DENND1A: variants seen among roughly 807,000 people sequenced by gnomAD.
DENND1A encodes the protein DENN domain containing 1A, also known as DENN domain-containing protein 1A.
A neutral mutation model predicts 113.7 loss-of-function variants in DENND1A; 51 were observed. The observed-to-expected ratio is 0.45, with a 90% CI of 0.36 to 0.57. The LOEUF (loss-of-function observed/expected upper bound fraction) is 0.57. Ranked by LOEUF, DENND1A falls within the 20% of genes least tolerant of loss-of-function variation. The probability of loss-of-function intolerance (pLI) is 0.00; values close to 1 mark genes in which losing one functional copy is unlikely to be tolerated. For missense variants in DENND1A, 1,258 were observed against 1,395.9 expected (o/e 0.90, Z 1.57); for synonymous variants, 565 against 570.8 (o/e 0.99, Z 0.14).
intron 2 of DENND1A, among the ~76,000 whole-genome samples, chr9:123,848,196 G>C (rs75271643): frequency 0.043 from 4,852 of 112,784 alleles, 92 homozygotes; most frequent in Middle Eastern, 0.088. Context: ...TATGGGCATA[G>C]TTTGTTTTAT....
chr9:123,442,484 A>G (rs2046999592), intron 18 of DENND1A, among the ~76,000 whole-genome samples: 1 of 152,218 alleles, frequency 6.6e-6, no homozygotes. Context: ...TTTTGGATCC[A>G]GGTGAAGATC....
chr9:123,408,035 T>A (rs901117668), intron 20 of DENND1A, among the ~76,000 whole-genome samples: 2 of 152,112 alleles, frequency 1.3e-5, no homozygotes, highest in African/African-American at 4.8e-5. Flanking sequence ...TCGGGTAACA[T>A]CTGAACTCCA....
intron 10 of DENND1A, 76 bp from the exon 11 acceptor site, chr9:123,609,557 T>C (rs1437609169): frequency 6.5e-7 from 1 of 1,530,364 alleles, no homozygotes; most frequent in East Asian, 2.3e-5. Context: ...TGGTTCACTA[T>C]TTGGAGAAAA....
At chr9:123,524,441 G>C (rs972496226) in intron 13 of DENND1A, among the ~76,000 whole-genome samples, 3 of 152,214 alleles carry the variant, frequency 2.0e-5, no homozygotes, top group Admixed American at 2.0e-4. Flanking sequence ...GGTCCACAAG[G>C]AATAGAACTG....
chr9:123,893,452 G>A (rs958692566), intron 1 of DENND1A, among the ~76,000 whole-genome samples: 1 of 152,216 alleles, frequency 6.6e-6, no homozygotes, highest in African/African-American at 2.4e-5. Context: ...TTTAGCCTCA[G>A]TGAGACCAGA....
chr9:123,711,513 G>GTGTATATATATATA (rs1369120234), intron 5 of DENND1A, among the ~76,000 whole-genome samples: 2 of 121,008 alleles, frequency 1.7e-5, no homozygotes, highest in African/African-American at 3.3e-5. Context: ...ATGTATATAT[G>GTGTATATATATATA]TATATATATA....
At chr9:123,900,491 C>T (rs1851443881) in intron 1 of DENND1A, among the ~76,000 whole-genome samples, 1 of 152,120 alleles carries the variant, frequency 6.6e-6, no homozygotes, top group Admixed American at 6.5e-5. Context: ...GGGATGCTCG[C>T]TTAAGGGTTC....
At chr9:123,850,270 C>A (rs1843144558) in intron 2 of DENND1A, among the ~76,000 whole-genome samples, 2 of 152,184 alleles carry the variant, frequency 1.3e-5, no homozygotes, top group South Asian at 4.1e-4. Flanking sequence ...CCACAGCCAT[C>A]CCAGCCTTCA....
At position 123,381,384 on chromosome 9, in the gene DENND1A, T is replaced by C. The variant is rs1284875295; in HGVS notation, c.*48A>G. On this transcript the variant is annotated 3_prime_UTR_variant, in exon 24 of 24. Coordinates refer to ENST00000394215, the MANE Select transcript of DENND1A (RefSeq NM_001352964.2). This position sits in a 1 kb window ranked among gnomAD's most constrained non-coding sequence, Gnocchi z 4.7. ...CGGGGGAGCCTCGGAACCGCAGCAG[T>C]GGACGGACCCTCGGGCCTCGGTGCA... is the stretch of plus-strand genomic sequence containing the variant. The C allele has an allele frequency of 6.4e-7, 1 of 1,561,680 alleles. No homozygotes were observed. The highest frequency in any genetic ancestry group is 1.4e-5 in the African/African-American group (1 of 73,892).
At chr9:123,656,271 G>A (rs893624369) in intron 8 of DENND1A, among the ~76,000 whole-genome samples, 1 of 152,078 alleles carries the variant, frequency 6.6e-6, no homozygotes, top group African/African-American at 2.4e-5. Flanking sequence ...AGGGGGCAGG[G>A]GAGCTAGGGA....
chr9:123,640,738 T>C (rs750984661), intron 9 of DENND1A, among the ~76,000 whole-genome samples: 7 of 152,234 alleles, frequency 4.6e-5, no homozygotes, highest in Non-Finnish European at 8.8e-5. Context: ...CGGATCTTTT[T>C]AACCACCTTG....
intron 15 of DENND1A, among the ~76,000 whole-genome samples, chr9:123,454,986 T>C (rs1362464824): frequency 6.6e-6 from 1 of 151,936 alleles, no homozygotes; most frequent in Admixed American, 6.6e-5. Flanking sequence ...CACACCTGGC[T>C]AATTTTTGTA....
intron 9 of DENND1A, among the ~76,000 whole-genome samples, chr9:123,645,623 C>T (rs1424969461): frequency 6.6e-6 from 1 of 152,202 alleles, no homozygotes; most frequent in Non-Finnish European, 1.5e-5. Flanking sequence ...GAGAACCCCA[C>T]CTCCTCCAGA....
chr9:123,398,912 A>G (rs1165837806), intron 21 of DENND1A, among the ~76,000 whole-genome samples: 1 of 151,178 alleles, frequency 6.6e-6, no homozygotes, highest in African/African-American at 2.4e-5. Context: ...CTCCTGCCTC[A>G]GCCTCCCTAG....
In DENND1A at chr9:123,630,361, G is replaced by A. The variant is rs746302203; in HGVS notation, c.719+15C>T. ...AGGGCAAAGGAGAAGCAGAGGACAG[G>A]GCCAGCCACCTTACCAGCAGTAGTC... On this transcript the variant is annotated intron_variant, in intron 10 of 23. Coordinates refer to ENST00000394215, the MANE Select transcript of DENND1A (RefSeq NM_001352964.2). 1.3e-6 allele frequency: 2 copies of A among 1,576,662 alleles called. No individual in the cohort carries two copies. The highest frequency in any genetic ancestry group is 3.6e-5 in the Admixed American group (2 of 55,472).
At chr9:123,475,581 C>T (rs772778040) in intron 13 of DENND1A, among the ~76,000 whole-genome samples, 3 of 152,328 alleles carry the variant, frequency 2.0e-5, no homozygotes, top group East Asian at 1.9e-4. Context: ...GGACCCCATC[C>T]GAGGCCCCCC....
intron 13 of DENND1A, among the ~76,000 whole-genome samples, chr9:123,504,463 G>A (rs1440829834): frequency 1.3e-5 from 2 of 152,224 alleles, no homozygotes; most frequent in Non-Finnish European, 2.9e-5. Flanking sequence ...ATCAGAAGGA[G>A]CCACTGGAAA....
intron 5 of DENND1A, among the ~76,000 whole-genome samples, chr9:123,740,273 T>C (rs986476755): frequency 2.0e-5 from 3 of 152,216 alleles, no homozygotes; most frequent in Non-Finnish European, 4.4e-5. Context: ...GATTATCTTT[T>C]TGTCAAAAAA....
At chr9:123,859,353 G>A (rs1409847873) in intron 2 of DENND1A, among the ~76,000 whole-genome samples, 2 of 151,494 alleles carry the variant, frequency 1.3e-5, no homozygotes, top group Admixed American at 6.6e-5. Context: ...ACTAACATTT[G>A]CATGGGGTTT....
Sources: gnomAD v4.1 joint callset for allele counts (sites outside exome capture counted in the v4.1 genomes callset) on GRCh38, gnomAD v4.1.1 for gene constraint, Gnocchi (gnomAD v3.1) non-coding constraint, MANE v1.5 for transcripts, NCBI Gene and HGNC (gene_info 2026-07-23, HGNC 2026-07-21) for gene names.